Variants in MAGEC1 observed in about 807,000 individuals in gnomAD.
MAGEC1 encodes the protein MAGE family member C1.
A neutral mutation model predicts 1.5 loss-of-function variants in MAGEC1; 3 were observed. The observed-to-expected ratio is 1.97, with a 90% CI of 0.90 to 5.10. The LOEUF (loss-of-function observed/expected upper bound fraction) is 5.10, where lower values mean the gene tolerates loss of function less well. Ranked by LOEUF, MAGEC1 falls within the 30% of genes most tolerant of loss-of-function variation. The pLI is 0.02. For synonymous variants in MAGEC1, 357 were observed against 310.4 expected (o/e 1.15, Z -1.58); for missense variants, 985 against 803.1 (o/e 1.23, Z -2.74).
chrX:141,904,044 T>C (rs1384971168), intron 1 of MAGEC1, 66 bp downstream of exon 1: 1 of 111,673 alleles, frequency 9.0e-6, no homozygotes, highest in East Asian at 2.9e-4. Context: ...TGGCCTGCCC[T>C]ATCCCTGCGG....
chrX:141,905,151 G>A lies in MAGEC1; in HGVS notation c.4+75G>A, dbSNP rs369123676. 6.2e-5 allele frequency: 70 copies of A among 1,137,441 alleles called. No homozygotes were observed. The African/African-American group carries it at 7.3e-4, about 12-fold the overall frequency. The allele number at this position is 1,137,441 out of a possible 1,213,427, so 93.7% of individuals were successfully genotyped here. ...CTGTGGGATCCCATCATACCTATTC[G>A]TGTTCACACGTTTACCTGCTGCTCC... On this transcript the variant is annotated intron_variant, in intron 3 of 3. Coordinates refer to ENST00000285879, the MANE Select transcript of MAGEC1 (RefSeq NM_005462.5).
At position 141,907,647 on chromosome X, in the gene MAGEC1, C is replaced by G; in HGVS notation, c.2243C>G (p.Ser748Cys). 2.5e-6 allele frequency: 3 copies of G among 1,209,326 alleles called. No individual in the cohort carries two copies. Among genetic ancestry groups the G allele is most frequent in the Middle Eastern group, 2.3e-4 (1 of 4,344 alleles). ...SSLQSPVSIC[S>C]SSTSLSLPQS... ...CTCCAGAGTCCTGTGAGTATCTGCT[C>G]CTCCTCCACTTCTTTGAGTCTTCCC... The change falls in exon 4 of 4, where the codon TCC becomes TGC. Residue 748 changes from serine (S) to cysteine (C), a missense_variant. Physicochemically the swap from Ser to Cys is moderately radical, Grantham distance 112. Transcript: ENST00000285879.
At position 141,907,535 on chromosome X, in the gene MAGEC1, C is replaced by T. The variant is rs751959644; in HGVS notation, c.2131C>T (p.Pro711Ser). The T allele has an allele frequency of 4.2e-6, 5 of 1,200,050 alleles. No homozygotes were observed. The highest frequency in any genetic ancestry group is 3.0e-5 in the East Asian group (1 of 33,530). The change falls in exon 4 of 4, where the codon CCT becomes TCT. Residue 711 changes from proline (P) to serine (S), a missense_variant. Transcript: ENST00000285879. ...GEDSLSSLHF[P>S]QSPPEWEDSL... ...GGACTCCCTGTCTTCTCTCCATTTT[C>T]CTCAGAGTCCTCCTGAGTGGGAGGA...
In MAGEC1 at chrX:141,907,985, T is replaced by A. The variant is rs1226870773; in HGVS notation, c.2581T>A (p.Ser861Thr). 1 of 1,211,807 alleles carries A rather than the reference T, an allele frequency of 8.3e-7. No individual in the cohort carries two copies. Among genetic ancestry groups the A allele is most frequent in the East Asian group, 3.0e-5 (1 of 33,828 alleles). ...GAGTCCTGTGATCTCCTTCTCCTCC[T>A]CCACTTCATTGAGCCCATTCAGTGA... ...LQSPVISFSS[S>T]TSLSPFSEES... Residue 861 changes from serine (S) to threonine (T), a missense_variant, in exon 4 of 4, where the codon TCC (serine) becomes ACC (threonine). By Grantham distance (58) the Ser-to-Thr change is moderately conservative. Coordinates refer to ENST00000285879, the MANE Select transcript of MAGEC1 (RefSeq NM_005462.5).
chrX:141,904,868 G>C (rs1344550459), intron 2 of MAGEC1, 54 bp downstream of exon 2: 10 of 517,833 alleles, frequency 1.9e-5, no homozygotes, highest in Non-Finnish European at 3.3e-5. Flanking sequence ...AAACAGGGCA[G>C]ACCTGGCAGC....
intron 3 of MAGEC1, 151 bp from the exon 4 acceptor site, chrX:141,905,258 C>T (rs1422094838): frequency 2.0e-5 from 17 of 842,163 alleles, no homozygotes; most frequent in Non-Finnish European, 2.6e-5. Context: ...AATTTTCATA[C>T]TGGAGTTGGT....
Position 141,907,237 on chromosome X carries a change from T to A in MAGEC1, c.1833T>A (p.Phe611Leu), listed in dbSNP as rs1174072414. 1.7e-6 allele frequency: 2 copies of A among 1,210,692 alleles called. No homozygotes were observed. Among genetic ancestry groups the A allele is most frequent in the South Asian group, 3.5e-5 (2 of 56,874 alleles). ...AGGACTCCATGTCTCCTCTCTACTT[T>A]CCTCAGAGTCCTCTTCAGGGGGAGG... ...QGEDSMSPLY[F>L]PQSPLQGEEF... Residue 611 changes from phenylalanine (F) to leucine (L), a missense_variant, in exon 4 of 4, where the codon TTT (phenylalanine) becomes TTA (leucine). Physicochemically the swap from Phe to Leu is conservative, Grantham distance 22. Coordinates refer to ENST00000285879, the MANE Select transcript of MAGEC1 (RefSeq NM_005462.5).
Position 141,907,957 on chromosome X carries a change from C to G in MAGEC1, c.2553C>G (p.Leu851=), listed in dbSNP as rs765802316. Residue 851 remains leucine (L), a synonymous_variant, in exon 4 of 4, where the codon CTC becomes CTG. Transcript: ENST00000285879. The part of the protein sequence containing the change: ...SLSKSSPESP[L]QSPVISFSSS... Reference sequence around the variant, plus strand: ...CCAAGAGTTCCCCTGAGAGTCCTCTCCAGAGTCCTGTGATCTCCTTCTCCT... The same window carrying G: ...CCAAGAGTTCCCCTGAGAGTCCTCTGCAGAGTCCTGTGATCTCCTTCTCCT... 6 of 1,211,833 alleles carry G rather than the reference C, an allele frequency of 5.0e-6. No individual in the cohort carries two copies. In the Admixed American group the frequency reaches 1.3e-4, roughly 26 times the overall value.
At chrX:141,905,161 G>A (rs1259685403) in intron 3 of MAGEC1, 85 bp downstream of exon 3, 7 of 1,127,117 alleles carry the variant, frequency 6.2e-6, no homozygotes, top group South Asian at 1.8e-5. Context: ...GTGTTCACAC[G>A]TTTACCTGCT....
rs779127756 is a variant in MAGEC1 at position 141,907,400 on chromosome X, C to T, written c.1996C>T (p.Pro666Ser). Residue 666 changes from proline to serine, a missense_variant, in exon 4 of 4, where the codon CCT becomes TCT. Coordinates refer to ENST00000285879, the MANE Select transcript of MAGEC1 (RefSeq NM_005462.5). ...VQSPLHSPQS[P>S]PEGMHSQSPL... is the part of the protein sequence containing the mutation. ...GTCTCCTCTCCATAGTCCTCAGAGC[C>T]CTCCTGAGGGGATGCACTCCCAATC... 2.5e-6 allele frequency: 3 copies of T among 1,187,494 alleles called. No individual in the cohort carries two copies. Among genetic ancestry groups the T allele is most frequent in the Admixed American group, 2.3e-5 (1 of 44,029 alleles).
chrX:141,904,775 C>T lies in MAGEC1; in HGVS notation c.-143C>T, dbSNP rs1337992370. On this transcript the variant is annotated 5_prime_UTR_variant, in exon 2 of 4. Coordinates refer to ENST00000285879, the MANE Select transcript of MAGEC1 (RefSeq NM_005462.5). ...GTGAGGGACACATACATCCTAAAAG[C>T]ACCACAGCAGAGGAGGCCCAGGCAG... 5 of 370,432 alleles carry T rather than the reference C, an allele frequency of 1.3e-5. No individual in the cohort carries two copies. The highest frequency in any genetic ancestry group is 2.4e-5 in the Non-Finnish European group (5 of 211,825). The allele number at this position is 370,432 out of a possible 1,213,427, so 30.5% of individuals were successfully genotyped here.
In MAGEC1 at chrX:141,908,161, TCTC is replaced by T. The variant is rs749753002; in HGVS notation, c.2761_2763del (p.Leu921del). ...AGGTGGACGAGTTGGCGCGGTTTCT[TCTC>T]CTCAAATATCAAGTGAAGCAGCCTA... On this transcript the variant is annotated inframe_deletion, in exon 4 of 4. Coordinates refer to ENST00000285879, the MANE Select transcript of MAGEC1 (RefSeq NM_005462.5). 51 of 1,209,897 alleles carry T rather than the reference TCTC, an allele frequency of 4.2e-5. No homozygotes were observed. In the East Asian group the frequency reaches 9.8e-4, roughly 23 times the overall value.
rs1380789315 is a variant in MAGEC1 at position 141,904,818 on chromosome X, AG to A, written c.-104+5del. The A allele has an allele frequency of 9.4e-6, 4 of 425,401 alleles. No homozygotes were observed. In the East Asian group the frequency reaches 1.5e-4, roughly 16 times the overall value. 35.1% of individuals were successfully genotyped at this position (425,401 alleles called of 1,213,427 possible). A position where few individuals can be genotyped will look rare whatever the true frequency, so the allele number is the denominator to read the frequency against. On this transcript the variant is annotated splice_donor_5th_base_variant and intron_variant, in intron 2 of 3. Transcript: ENST00000285879. ...CCAGGCAGTGCCAGGAGTCAAGGTG[AG>A]TGCACGACCTGACTGTGTACCAAGG...
chrX:141,905,865 CTTT>C lies in MAGEC1; in HGVS notation c.463_465del (p.Phe155del). The C allele has an allele frequency of 3.3e-6, 4 of 1,201,395 alleles. No individual in the cohort carries two copies. The highest frequency in any genetic ancestry group is 2.2e-6 in the Non-Finnish European group (2 of 889,822). ...AGTTCCCCTGAGAGTACTCAAAGTC[CTTT>C]TGAGGGTTTTCCCCAGTCTGTTCTC... On this transcript the variant is annotated inframe_deletion, in exon 4 of 4. Coordinates refer to ENST00000285879, the MANE Select transcript of MAGEC1 (RefSeq NM_005462.5).
rs1569478123 is a variant in MAGEC1 at position 141,908,159 on chromosome X, C to CT, written c.2757dup (p.Leu920SerfsTer36). Reference sequence around the variant, plus strand: ...AAAGGTGGACGAGTTGGCGCGGTTTCTTCTCCTCAAATATCAAGTGAAGCA... The same window carrying CT: ...AAAGGTGGACGAGTTGGCGCGGTTTCTTTCTCCTCAAATATCAAGTGAAGCA... On this transcript the variant is annotated frameshift_variant, in exon 4 of 4. Transcript: ENST00000285879. LOFTEE classifies it low-confidence loss of function (END_TRUNC). 2 of 1,211,794 alleles carry CT rather than the reference C, an allele frequency of 1.7e-6. No homozygotes were observed. The highest frequency in any genetic ancestry group is 1.1e-6 in the Non-Finnish European group (1 of 895,562).
Position 141,906,484 on chromosome X carries a change from T to A in MAGEC1, c.1080T>A (p.Ser360Arg), listed in dbSNP as rs59612804. The stretch of plus-strand genomic sequence containing the variant: ...GTATTTTCCAGAGTTCTCCTGAGAG[T>A]GCTCAAAGTACTTTTGAGGGTTTTC... The part of the protein sequence containing the change: ...LLSIFQSSPE[S>R]AQSTFEGFPQ... The change falls in exon 4 of 4, where the codon AGT becomes AGA. Residue 360 changes from serine to arginine, a missense_variant. Coordinates refer to ENST00000285879, the MANE Select transcript of MAGEC1 (RefSeq NM_005462.5). 2.5e-5 allele frequency: 29 copies of A among 1,179,827 alleles called. No homozygotes were observed. The highest frequency in any genetic ancestry group is 2.4e-4 in the Middle Eastern group (1 of 4,215).
At position 141,905,543 on chromosome X, in the gene MAGEC1, AC is replaced by A. The variant is rs1333350734; in HGVS notation, c.142del (p.Leu48CysfsTer65). The A allele has an allele frequency of 8.3e-7, 1 of 1,209,007 alleles. No homozygotes were observed. Among genetic ancestry groups the A allele is most frequent in the Non-Finnish European group, 1.1e-6 (1 of 894,575 alleles). On this transcript the variant is annotated frameshift_variant, in exon 4 of 4. Coordinates refer to ENST00000285879, the MANE Select transcript of MAGEC1 (RefSeq NM_005462.5). LOFTEE classifies it low-confidence loss of function (END_TRUNC). ...CCAGAGTTCTCCTGAGAGCGACGACACCCTGTATCCTCTCCAGAGTCCTCAG... is the reference window on the plus strand; with the variant it reads ...CCAGAGTTCTCCTGAGAGCGACGACACCTGTATCCTCTCCAGAGTCCTCAG... ...IPQSSPESDD[T>X]LYPLQSPQSR... is the part of the protein sequence containing the mutation.
chrX:141,905,430 C>A lies in MAGEC1; in HGVS notation c.26C>A (p.Ala9Asp), dbSNP rs139481075. The change falls in exon 4 of 4, where the codon GCT becomes GAT. Residue 9 changes from alanine (A) to aspartate (D), a missense_variant. Physicochemically the swap from Ala to Asp is moderately radical, Grantham distance 126. Transcript: ENST00000285879. ...CCAGGGGACAAGGATATGCCTACTG[C>A]TGGGATGCCGAGTCTTCTCCAGAGT... The part of the protein sequence containing the change: MGDKDMPT[A>D]GMPSLLQSSS... 4 of 1,211,195 alleles carry A rather than the reference C, an allele frequency of 3.3e-6. No individual in the cohort carries two copies. In the East Asian group the frequency reaches 1.2e-4, roughly 36 times the overall value.
rs149935889 is a variant in MAGEC1 at position 141,907,504 on chromosome X, G to A, written c.2100G>A (p.Glu700=). The change falls in exon 4 of 4, where the codon GAG becomes GAA. Residue 700 remains glutamate (E), a synonymous_variant. Transcript: ENST00000285879. ...SPLQIPQSPL[E]GEDSLSSLHF... is the part of the protein sequence containing the mutation. ...TCCAAATTCCTCAGAGTCCTCTTGA[G>A]GGAGAGGACTCCCTGTCTTCTCTCC... is the stretch of plus-strand genomic sequence containing the variant. 4.6e-3 allele frequency: 5,499 copies of A among 1,199,141 alleles called. 124 individuals carry two copies. In the African/African-American group the frequency reaches 0.083, roughly 18 times the overall value.
Sources: gnomAD v4.1 joint callset for allele counts on GRCh38, gnomAD v4.1.1 for gene constraint, MANE v1.5 for transcripts, NCBI Gene and HGNC (gene_info 2026-07-23, HGNC 2026-07-21) for gene names.